The following CDH13 variants were observed in gnomAD, a reference collection of about 807,000 sequenced individuals.
CDH13 encodes the protein cadherin-13.
CDH13 carries 24 observed loss-of-function variants against 63.8 expected under a neutral mutation model. That is an observed-to-expected ratio of 0.38 (90% confidence interval 0.27 to 0.53). The LOEUF is 0.53. Ranked by LOEUF, CDH13 falls within the 20% of genes least tolerant of loss-of-function variation. The pLI is 0.85. For missense variants in CDH13, 1,049 were observed against 903.1 expected (o/e 1.16, Z -2.07); for synonymous variants, 503 against 355.3 (o/e 1.42, Z -4.67).
chr16:83,612,411 T>C (rs938925215), intron 8 of CDH13, among the ~76,000 whole-genome samples: 2 of 151,688 alleles, frequency 1.3e-5, no homozygotes, highest in African/African-American at 4.9e-5. Context: ...ATATTTAGTC[T>C]GTGTCTCTTT....
chr16:83,531,006 G>A (rs1161775442), intron 7 of CDH13, among the ~76,000 whole-genome samples: 3 of 152,142 alleles, frequency 2.0e-5, no homozygotes, highest in Non-Finnish European at 4.4e-5. Flanking sequence ...CTCTAAAGGG[G>A]GAATGCTGGC....
At chr16:83,679,624 TC>T (rs1915240213) in intron 10 of CDH13, among the ~76,000 whole-genome samples, 1 of 152,238 alleles carries the variant, frequency 6.6e-6, no homozygotes, top group African/African-American at 2.4e-5. Flanking sequence ...AAATAGCCAT[TC>T]TTTTTTTTCT....
rs1329114702 is a variant in CDH13 at position 82,719,403 on chromosome 16, A to G, written c.45+92266A>G. The G allele has an allele frequency of 6.6e-6, 3 of 455,938 alleles. No individual in the cohort carries two copies. In the East Asian group the frequency reaches 2.1e-4, roughly 32 times the overall value. 28.2% of individuals were successfully genotyped at this position (455,938 alleles called of 1,614,324 possible). On this transcript the variant is annotated intron_variant, in intron 1 of 13. Coordinates refer to ENST00000567109, the MANE Select transcript of CDH13 (RefSeq NM_001257.5). Reference sequence around the variant, plus strand: ...GCAAGTCCCAGTTCCAGGCCCTTCCACTGGCTGTCCAATGGCTTGGAGTCT... The same window carrying G: ...GCAAGTCCCAGTTCCAGGCCCTTCCGCTGGCTGTCCAATGGCTTGGAGTCT...
intron 3 of CDH13, among the ~76,000 whole-genome samples, chr16:83,102,907 C>CTTTCTTTTTTTTTCTT (rs142106784): frequency 0.027 from 2,139 of 80,188 alleles, 131 homozygotes; most frequent in African/African-American, 0.098. Flanking sequence ...GCTAATTAAA[C>CTTTCTTTTTTTTTCTT]TTTCTTTTTT....
At chr16:82,640,395 G>A (rs984170960) in intron 1 of CDH13, among the ~76,000 whole-genome samples, 3 of 152,038 alleles carry the variant, frequency 2.0e-5, no homozygotes, top group African/African-American at 4.8e-5. Context: ...GGGAATTTAC[G>A]AATATGGCAA....
At chr16:82,737,602 T>C (rs1038716550) in intron 1 of CDH13, among the ~76,000 whole-genome samples, 9 of 152,190 alleles carry the variant, frequency 5.9e-5, no homozygotes, top group African/African-American at 2.2e-4. Context: ...GTTTATAGTG[T>C]GGTGGGGATT....
intron 6 of CDH13, among the ~76,000 whole-genome samples, chr16:83,353,864 C>G (rs1049188475): frequency 6.6e-6 from 1 of 152,208 alleles, no homozygotes; most frequent in Non-Finnish European, 1.5e-5. Context: ...CGCTTAATAG[C>G]CCTGCCCACT....
chr16:83,237,170 G>C (rs915257711), intron 5 of CDH13, among the ~76,000 whole-genome samples: 28 of 152,178 alleles, frequency 1.8e-4, no homozygotes, highest in Non-Finnish European at 4.0e-4. Flanking sequence ...GCGGTGTTCA[G>C]TACACAAGAG....
intron 7 of CDH13, among the ~76,000 whole-genome samples, chr16:83,528,950 C>T (rs1360157638): frequency 6.6e-6 from 1 of 152,134 alleles, no homozygotes; most frequent in Non-Finnish European, 1.5e-5. Context: ...TGCTCAGTTA[C>T]TAATGGGGTA....
chr16:83,014,463 G>A (rs149560821), intron 2 of CDH13, among the ~76,000 whole-genome samples: 6 of 151,694 alleles, frequency 4.0e-5, no homozygotes, highest in African/African-American at 1.2e-4. Context: ...GCCGACCATG[G>A]TGGCTTATGC....
chr16:83,232,142 AC>A (rs1444758025), intron 5 of CDH13, among the ~76,000 whole-genome samples: 1 of 147,426 alleles, frequency 6.8e-6, no homozygotes, highest in East Asian at 2.1e-4. Context: ...TTTACAACAA[AC>A]CCCCATGACA....
At chr16:83,159,110 A>G (rs143259948) in intron 4 of CDH13, among the ~76,000 whole-genome samples, 59 of 149,750 alleles carry the variant, frequency 3.9e-4, no homozygotes, top group African/African-American at 1.4e-3. Context: ...TAGCTTATCT[A>G]TTTTTTTCTG....
chr16:83,762,864 C>T, intron 11 of CDH13, among the ~76,000 whole-genome samples: 1 of 152,110 alleles, frequency 6.6e-6, no homozygotes, highest in Non-Finnish European at 1.5e-5. Flanking sequence ...TGACTGCAAA[C>T]AATGAAGACA....
intron 2 of CDH13, among the ~76,000 whole-genome samples, chr16:82,905,064 G>T (rs1285007272): frequency 6.6e-6 from 1 of 152,194 alleles, no homozygotes; most frequent in East Asian, 1.9e-4. Context: ...ATCTCGCTGA[G>T]TCTGAGAAAG....
chr16:82,669,861 C>G (rs1232208363), intron 1 of CDH13, among the ~76,000 whole-genome samples: 7 of 152,230 alleles, frequency 4.6e-5, no homozygotes, highest in African/African-American at 1.4e-4. Context: ...AAATGGATCT[C>G]TATAAGGCAG....
At chr16:82,785,864 G>A (rs1032219357) in intron 1 of CDH13, among the ~76,000 whole-genome samples, 1 of 152,184 alleles carries the variant, frequency 6.6e-6, no homozygotes, top group African/African-American at 2.4e-5. Flanking sequence ...ATAGAAGGGT[G>A]CACCCTTACA....
rs145444556 is a variant in CDH13 at position 82,977,237 on chromosome 16, C to G, written c.158-54773C>G. Among the ~76,000 whole-genome samples the G allele has an allele frequency of 1.6e-3, 250 of 152,248 alleles. 1 individual carries two copies. Among genetic ancestry groups the G allele is most frequent in the African/African-American group, 5.8e-3 (243 of 41,558 alleles). Reference sequence around the variant, plus strand: ...TGGACCCAGTGTCCTTTGTGGGCTGCAGAGCTGGACAACACTGGGATGAGT... The same window carrying G: ...TGGACCCAGTGTCCTTTGTGGGCTGGAGAGCTGGACAACACTGGGATGAGT... On this transcript the variant is annotated intron_variant, in intron 2 of 13. Coordinates refer to ENST00000567109, the MANE Select transcript of CDH13 (RefSeq NM_001257.5).
chr16:82,660,293 T>C (rs1911780895), intron 1 of CDH13, among the ~76,000 whole-genome samples: 1 of 151,912 alleles, frequency 6.6e-6, no homozygotes, highest in African/African-American at 2.4e-5. Context: ...TGATCACACG[T>C]GGGGAGCATG....
chr16:83,304,251 A>G (rs1438600701), intron 5 of CDH13, among the ~76,000 whole-genome samples: 1 of 152,142 alleles, frequency 6.6e-6, no homozygotes, highest in African/African-American at 2.4e-5. Context: ...GAAGCTGAGA[A>G]GTACATGAAA....
Sources: allele counts gnomAD v4.1 joint callset (sites outside exome capture counted in the v4.1 genomes callset), GRCh38; gene constraint gnomAD v4.1.1; transcripts MANE v1.5; gene names NCBI Gene and HGNC (gene_info 2026-07-23, HGNC 2026-07-21).